DLG2: variants seen among roughly 807,000 people sequenced by gnomAD.
The protein encoded by DLG2 is discs large MAGUK scaffold protein 2, also known as disks large homolog 2.
In DLG2, 45 loss-of-function variants were observed where a neutral mutation model predicts 132.5. That is an observed-to-expected ratio of 0.34 (90% CI 0.27 to 0.44). The LOEUF (loss-of-function observed/expected upper bound fraction) is 0.44. Ranked by LOEUF, DLG2 falls within the 20% of genes least tolerant of loss-of-function variation. DLG2 has a pLI of 1.00. For missense variants in DLG2, 1,045 were observed against 1,196.9 expected (o/e 0.87, Z 1.87); for synonymous variants, 424 against 419.6 (o/e 1.01, Z -0.13).
intron 7 of DLG2, among the ~76,000 whole-genome samples, chr11:84,483,430 CAAAA>C (rs56086759): frequency 1.1e-5 from 1 of 90,174 alleles, no homozygotes. Flanking sequence ...GACTCCGCCT[CAAAA>C]AAAAAAAAAA....
chr11:84,514,327 A>C (rs1007926012), intron 7 of DLG2, among the ~76,000 whole-genome samples: 1 of 152,066 alleles, frequency 6.6e-6, no homozygotes, highest in South Asian at 2.1e-4. Context: ...ACGATCTAGC[A>C]ATCCCACTCC....
chr11:83,605,926 C>T (rs542517848), intron 19 of DLG2, among the ~76,000 whole-genome samples: 4 of 152,250 alleles, frequency 2.6e-5, no homozygotes, highest in Admixed American at 2.0e-4. Flanking sequence ...TAGCATTTAC[C>T]GCTCTAAACT....
At chr11:84,745,786 C>T (rs1234232847) in intron 6 of DLG2, among the ~76,000 whole-genome samples, 1 of 152,144 alleles carries the variant, frequency 6.6e-6, no homozygotes, top group African/African-American at 2.4e-5. Flanking sequence ...TATCTGAGGA[C>T]ATCATTACAT....
At chr11:85,056,711 T>C (rs989640203) in intron 6 of DLG2, among the ~76,000 whole-genome samples, 4 of 151,810 alleles carry the variant, frequency 2.6e-5, no homozygotes, top group Non-Finnish European at 4.4e-5. Context: ...AATAATCAAA[T>C]TGCTGAAAAC....
chr11:84,915,642 T>C (rs1191877299), intron 6 of DLG2, among the ~76,000 whole-genome samples: 2 of 152,172 alleles, frequency 1.3e-5, no homozygotes, highest in African/African-American at 4.8e-5. Flanking sequence ...AAACATACTA[T>C]CATAATGAAC....
chr11:85,256,451 G>A (rs1463312640), intron 4 of DLG2, among the ~76,000 whole-genome samples: 2 of 152,170 alleles, frequency 1.3e-5, no homozygotes, highest in African/African-American at 4.8e-5. Flanking sequence ...CTTCCTTGAT[G>A]ATGGATAAGG....
intron 3 of DLG2, among the ~76,000 whole-genome samples, chr11:85,423,326 G>A (rs914003343): frequency 1.3e-5 from 2 of 152,216 alleles, no homozygotes; most frequent in South Asian, 4.1e-4. Context: ...CTTTTCCAGT[G>A]GAGGTGGCAG....
intron 6 of DLG2, among the ~76,000 whole-genome samples, chr11:84,605,804 T>TTC (rs1269698877): frequency 6.6e-6 from 1 of 152,002 alleles, no homozygotes; most frequent in Non-Finnish European, 1.5e-5. Flanking sequence ...GGCTCCTAAG[T>TTC]TCTCTTCAAA....
chr11:85,506,903 G>C (rs1471169455), intron 3 of DLG2, among the ~76,000 whole-genome samples: 1 of 152,170 alleles, frequency 6.6e-6, no homozygotes, highest in Admixed American at 6.5e-5. Context: ...GGGTGCTCCT[G>C]TATTGGGTGC....
intron 8 of DLG2, among the ~76,000 whole-genome samples, chr11:84,165,726 C>T (rs1025425798): frequency 2.0e-5 from 3 of 151,796 alleles, no homozygotes; most frequent in Non-Finnish European, 2.9e-5. Context: ...GGTGAAACCC[C>T]GTCTCTACTA....
At chr11:84,349,225 G>C (rs1415137293) in intron 7 of DLG2, among the ~76,000 whole-genome samples, 1 of 152,094 alleles carries the variant, frequency 6.6e-6, no homozygotes, top group East Asian at 1.9e-4. Context: ...TATTAGTAAA[G>C]CCAGAAGTAG....
At chr11:85,399,586 T>C (rs1248804119) in intron 3 of DLG2, among the ~76,000 whole-genome samples, 1 of 152,052 alleles carries the variant, frequency 6.6e-6, no homozygotes, top group Non-Finnish European at 1.5e-5. Context: ...AACAGACATA[T>C]AGATCAATGG....
At chr11:84,917,012 T>C (rs993710380) in intron 6 of DLG2, among the ~76,000 whole-genome samples, 2 of 152,232 alleles carry the variant, frequency 1.3e-5, no homozygotes, top group African/African-American at 4.8e-5. Context: ...CAATGCACAC[T>C]TCCAATATCC....
intron 8 of DLG2, among the ~76,000 whole-genome samples, chr11:84,219,983 T>TTCC (rs1385033408): frequency 6.6e-6 from 1 of 152,216 alleles, no homozygotes; most frequent in Non-Finnish European, 1.5e-5. Flanking sequence ...TCTCACATTG[T>TTCC]TCCACCTGTC....
In DLG2 at chr11:83,616,083, A is replaced by T. The variant is rs540371162; in HGVS notation, c.1940+17128T>A. Among the ~76,000 whole-genome samples, 249 of 152,166 alleles carry T rather than the reference A, an allele frequency of 1.6e-3. 2 individuals carry two copies. Among genetic ancestry groups the T allele is most frequent in the Admixed American group, 7.8e-3 (119 of 15,274 alleles). On this transcript the variant is annotated intron_variant, in intron 19 of 27. Coordinates refer to ENST00000376104, the MANE Select transcript of DLG2 (RefSeq NM_001142699.3). ...GCAAGATTCCTATCTGCTATTATTG[A>T]TTTTCATTGTTGTATATTATCCTTT...
chr11:85,150,010 A>ATTTTTTTTTTTTTTTTTTTTTTTTTTTT (rs962380618), intron 5 of DLG2, among the ~76,000 whole-genome samples: 4 of 112,304 alleles, frequency 3.6e-5, no homozygotes, highest in African/African-American at 3.8e-5. Context: ...TCAGTTTTTA[A>ATTTTTTTTTTTTTTTTTTTTTTTTTTTT]TTTTTTTTTT....
intron 6 of DLG2, among the ~76,000 whole-genome samples, chr11:84,879,435 G>A (rs918648911): frequency 1.3e-5 from 2 of 152,126 alleles, no homozygotes; most frequent in Non-Finnish European, 2.9e-5. Flanking sequence ...AGGTTGGAAG[G>A]GCATTTAAGC....
At chr11:85,109,250 G>T (rs1429860222) in intron 6 of DLG2, among the ~76,000 whole-genome samples, 1 of 152,068 alleles carries the variant, frequency 6.6e-6, no homozygotes, top group Non-Finnish European at 1.5e-5. Flanking sequence ...GTGTTTCACT[G>T]GGAGATATAA....
chr11:84,611,276 T>C (rs1175707301), intron 6 of DLG2, among the ~76,000 whole-genome samples: 1 of 152,156 alleles, frequency 6.6e-6, no homozygotes, highest in Non-Finnish European at 1.5e-5. Flanking sequence ...AATAAATAAA[T>C]GATGAGTGTT....
Sources: gnomAD v4.1 joint callset for allele counts (sites outside exome capture counted in the v4.1 genomes callset) on GRCh38, gnomAD v4.1.1 for gene constraint, MANE v1.5 for transcripts, NCBI Gene and HGNC (gene_info 2026-07-23, HGNC 2026-07-21) for gene names.